The following RNASEH1 variants were observed in gnomAD, a reference collection of about 807,000 sequenced individuals.
RNASEH1 encodes the protein ribonuclease H type II.
RNASEH1 carries 27 observed loss-of-function variants against 34.6 expected under a neutral mutation model. The ratio of observed to expected loss-of-function variants is 0.78; its 90% CI spans 0.58 to 1.08. RNASEH1 has a LOEUF of 1.08. Ranked by LOEUF, RNASEH1 falls within the 50% of genes least tolerant of loss-of-function variation. RNASEH1 has a pLI of 0.00. For synonymous variants in RNASEH1, 162 were observed against 138.4 expected, an observed-to-expected ratio of 1.17 and a Z score of -1.20; for missense variants, 349 against 373.6, an observed-to-expected ratio of 0.93 and a Z score of 0.54.
intron 1 of RNASEH1, chr2:3,557,731 TTTTTAAAAGGGAAGATTAGGTA>T: frequency 1.7e-6 from 1 of 598,084 alleles, no homozygotes; most frequent in South Asian, 1.5e-5. Flanking sequence ...GAATTTGCCT[TTTTTAAAAGGGAAGATTAGGTA>T]CTGAGTTCCA....
intron 4 of RNASEH1, among the ~76,000 whole-genome samples, chr2:3,549,941 G>C (rs1281215567): frequency 7.0e-6 from 1 of 142,656 alleles, no homozygotes; most frequent in Non-Finnish European, 1.5e-5. Flanking sequence ...GTGAGACTCC[G>C]TCTCAGGAAA....
intron 2 of RNASEH1, among the ~76,000 whole-genome samples, chr2:3,555,076 A>T (rs1660350273): frequency 6.6e-6 from 1 of 152,200 alleles, no homozygotes; most frequent in Admixed American, 6.5e-5. Context: ...TGTTATGTTG[A>T]AGACTTATAG....
chr2:3,548,155 G>C (rs1668934820), intron 6 of RNASEH1, 100 bp from the exon 7 acceptor site: 1 of 1,420,082 alleles, frequency 7.0e-7, no homozygotes, highest in South Asian at 1.2e-5. Flanking sequence ...TGTATTCTGA[G>C]TCACCATCCT....
At chr2:3,556,948 T>C (rs1558462053) in intron 1 of RNASEH1, 44 bp from the exon 2 acceptor site, 1 of 1,375,250 alleles carries the variant, frequency 7.3e-7, no homozygotes, top group Non-Finnish European at 1.0e-6. Context: ...CTTCTCTAAC[T>C]TATCCCCTTT....
rs779915934 is a variant in RNASEH1, at chr2:3,552,299, T to C, written c.254A>G (p.Asn85Ser). ...CGCCTCCGATTCTTGTCCATGTTGATTTTCATGCCCTGAAAGACAAGAGTC... is the reference window on the plus strand; with the variant it reads ...CGCCTCCGATTCTTGTCCATGTTGACTTTCATGCCCTGAAAGACAAGAGTC... ...ASPEVSEGHE[N>S]QHGQESEAKA... The change falls in exon 3 of 8, where the codon AAT becomes AGT. Residue 85 changes from asparagine to serine, a missense_variant. Physicochemically the swap from Asn to Ser is conservative, Grantham distance 46. Transcript: ENST00000315212. 13 of 1,613,198 alleles carry C rather than the reference T, an allele frequency of 8.1e-6. No homozygotes were observed. Among genetic ancestry groups the C allele is most frequent in the Middle Eastern group, 1.6e-4 (1 of 6,074 alleles).
rs551168016 is a variant in RNASEH1, at chr2:3,542,837, T to C, written c.*2948A>G. Among the ~76,000 whole-genome samples the C allele has an allele frequency of 1.8e-4, 27 of 152,300 alleles. No individual in the cohort carries two copies. Among genetic ancestry groups the C allele is most frequent in the Non-Finnish European group, 3.2e-4 (22 of 68,032 alleles). ...CCTGAATTTGTATTGGGAATATCAA[T>C]ATAGGCTCAGAAAATATTCTTCCTT... On this transcript the variant is annotated 3_prime_UTR_variant, in exon 8 of 8. Coordinates refer to ENST00000315212, the MANE Select transcript of RNASEH1 (RefSeq NM_002936.6).
downstream of RNASEH1, among the ~76,000 whole-genome samples, chr2:3,538,289 T>C (rs980345556): frequency 6.6e-6 from 1 of 151,650 alleles, no homozygotes; most frequent in Non-Finnish European, 1.5e-5. Flanking sequence ...GACGCAGAGG[T>C]TGCAGTGAGC....
In RNASEH1 at chr2:3,543,674, T is replaced by C. The variant is rs1377669648; in HGVS notation, c.*2111A>G. Among the ~76,000 whole-genome samples the C allele has an allele frequency of 6.6e-6, 1 of 152,048 alleles. No individual in the cohort carries two copies. The highest frequency in any genetic ancestry group is 1.9e-4 in the East Asian group (1 of 5,184). On this transcript the variant is annotated 3_prime_UTR_variant, in exon 8 of 8. Transcript: ENST00000315212. Reference sequence around the variant, plus strand: ...TCGCCCAGGCTGGAATGTGGTGGCATGGTCACAGCTCACGCATCCTCGACC... The same window carrying C: ...TCGCCCAGGCTGGAATGTGGTGGCACGGTCACAGCTCACGCATCCTCGACC...
chr2:3,550,795 C>A (rs138940735), intron 3 of RNASEH1, among the ~76,000 whole-genome samples: 1 of 152,202 alleles, frequency 6.6e-6, no homozygotes, highest in Non-Finnish European at 1.5e-5. Flanking sequence ...GCTGTCTCCA[C>A]GGCAGGGTCA....
At chr2:3,551,135 T>C (rs565810429) in intron 3 of RNASEH1, among the ~76,000 whole-genome samples, 8 of 152,070 alleles carry the variant, frequency 5.3e-5, no homozygotes, top group African/African-American at 1.9e-4. Context: ...CAAATAGAGG[T>C]GGTACGCGCA....
chr2:3,531,975 A>C, the RNASEH1 span: 5 of 408,706 alleles, frequency 1.2e-5, no homozygotes, highest in South Asian at 3.1e-5. Flanking sequence ...GAGGCCGAAC[A>C]CTGCGACATA....
chr2:3,553,677 G>A (rs1384489904), intron 2 of RNASEH1, among the ~76,000 whole-genome samples: 1 of 152,060 alleles, frequency 6.6e-6, no homozygotes, highest in Admixed American at 6.5e-5. Flanking sequence ...GGCGTGAGCC[G>A]CTGCGCCCGG....
the RNASEH1 span, chr2:3,532,102 G>T: frequency 1.6e-6 from 1 of 613,698 alleles, no homozygotes; most frequent in Non-Finnish European, 2.9e-6. Context: ...TGCAGCTGAC[G>T]AGTCAGGGAA....
the RNASEH1 span, chr2:3,533,591 C>T: frequency 0.017 from 2,542 of 152,318 alleles, 41 homozygotes; most frequent in South Asian, 0.061. Flanking sequence ...GGGAGAGATA[C>T]GGGAGGTGTC....
intron 2 of RNASEH1, 24 bp from the exon 3 acceptor site, chr2:3,552,332 G>A: frequency 1.9e-6 from 3 of 1,607,732 alleles, no homozygotes; most frequent in Non-Finnish European, 2.5e-6. Context: ...GTCCACTCGT[G>A]AGCTGGAAAC....
Position 3,545,581 on chromosome 2 carries a change from A to G in RNASEH1, c.*204T>C. On this transcript the variant is annotated 3_prime_UTR_variant, in exon 8 of 8. Transcript: ENST00000315212. ...TGTGGAAATCTCACATAATTCTCCA[A>G]TCTCAAAGATGTTCAATTTATTATA... 1 of 567,910 alleles carries G rather than the reference A, an allele frequency of 1.8e-6. No homozygotes were observed. 35.2% of individuals were successfully genotyped at this position (567,910 alleles called of 1,614,324 possible). A position where few individuals can be genotyped will look rare whatever the true frequency, so the allele number is the denominator to read the frequency against.
intron 7 of RNASEH1, among the ~76,000 whole-genome samples, chr2:3,546,826 C>T (rs1455049751): frequency 2.6e-5 from 4 of 152,116 alleles, no homozygotes; most frequent in African/African-American, 4.8e-5. Context: ...ACCTTTTTGT[C>T]ATAAAACAAA....
chr2:3,540,113 G>A (rs1414405398), downstream of RNASEH1, among the ~76,000 whole-genome samples: 2 of 152,122 alleles, frequency 1.3e-5, no homozygotes, highest in South Asian at 2.1e-4. Context: ...CTATTTGTGC[G>A]GCACGAACAT....
chr2:3,549,010 A>G, intron 5 of RNASEH1, 48 bp downstream of exon 5: 1 of 1,402,538 alleles, frequency 7.1e-7, no homozygotes, highest in Non-Finnish European at 1.0e-6. Flanking sequence ...TGATAATTTC[A>G]TACTCAATGC....
Sources: gnomAD v4.1 joint callset for allele counts (sites outside exome capture counted in the v4.1 genomes callset) on GRCh38, gnomAD v4.1.1 for gene constraint, MANE v1.5 for transcripts, NCBI Gene and HGNC (gene_info 2026-07-23, HGNC 2026-07-21) for gene names.